The following HECA variants were observed in gnomAD, a reference collection of about 807,000 sequenced individuals.
HECA encodes the protein HECA ribonucleoprotein granule regulator, also known as headcase protein homolog.
HECA carries 13 observed loss-of-function variants against 37.6 expected under a neutral mutation model. The observed-to-expected ratio is 0.35, with a 90% CI of 0.23 to 0.55. HECA has a LOEUF of 0.55. Ranked by LOEUF, HECA falls within the 20% of genes least tolerant of loss-of-function variation. The pLI, the probability that HECA is intolerant of heterozygous loss-of-function variation, is 0.90. For missense variants in HECA, 527 were observed against 701.9 expected (o/e 0.75, Z 2.82); for synonymous variants, 307 against 291.5 (o/e 1.05, Z -0.54).
chr6:139,137,438 A>C (rs1774462203), intron 1 of HECA, among the ~76,000 whole-genome samples: 1 of 152,170 alleles, frequency 6.6e-6, no homozygotes, highest in African/African-American at 2.4e-5. Context: ...AAAGTTTCTC[A>C]CAAAGAGTGC....
At chr6:139,161,124 C>T (rs770827752) in intron 1 of HECA, among the ~76,000 whole-genome samples, 1 of 151,916 alleles carries the variant, frequency 6.6e-6, no homozygotes, top group Non-Finnish European at 1.5e-5. Flanking sequence ...AAATAATGTC[C>T]GAGTTTAGAG....
In HECA at chr6:139,167,281, G is replaced by C. The variant is rs375410347; in HGVS notation, c.1269G>C (p.Ser423=). The C allele has an allele frequency of 6.2e-7, 1 of 1,609,248 alleles. No homozygotes were observed. Among genetic ancestry groups the C allele is most frequent in the Non-Finnish European group, 8.5e-7 (1 of 1,176,048 alleles). Reference sequence around the variant, plus strand: ...ATGGAACTTTGTTCCTAAGCCCGTCGAGACATGATGAGATCGAATATGATG... The same window carrying C: ...ATGGAACTTTGTTCCTAAGCCCGTCCAGACATGATGAGATCGAATATGATG... ...LVDGTLFLSP[S]RHDEIEYDVP... is the part of the protein sequence containing the mutation. Residue 423 remains serine (S), a synonymous_variant, in exon 2 of 4, where the codon TCG becomes TCC. Coordinates refer to ENST00000367658, the MANE Select transcript of HECA (RefSeq NM_016217.3).
At chr6:139,147,737 A>G (rs766944572) in intron 1 of HECA, among the ~76,000 whole-genome samples, 18 of 152,254 alleles carry the variant, frequency 1.2e-4, no homozygotes, top group African/African-American at 2.4e-4. Flanking sequence ...TGATCCTTCT[A>G]TCACAGAAGG....
At chr6:139,165,262 A>G (rs183123354) in intron 1 of HECA, among the ~76,000 whole-genome samples, 24 of 152,202 alleles carry the variant, frequency 1.6e-4, no homozygotes, top group Admixed American at 2.6e-4. Flanking sequence ...AAAAAAACAG[A>G]TTTTATTTTT....
chr6:139,141,256 T>C (rs973801384), intron 1 of HECA, among the ~76,000 whole-genome samples: 1 of 152,256 alleles, frequency 6.6e-6, no homozygotes, highest in African/African-American at 2.4e-5. Flanking sequence ...TTGATATATG[T>C]TCTTGCAGCC....
At chr6:139,150,467 G>A (rs114803719) in intron 1 of HECA, among the ~76,000 whole-genome samples, 3,163 of 105,746 alleles carry the variant, frequency 0.03, 117 homozygotes, top group African/African-American at 0.099. Context: ...GGGGGTGAGA[G>A]TGGGGCTAAA....
At chr6:139,165,494 A>T (rs1774870760) in intron 1 of HECA, among the ~76,000 whole-genome samples, 1 of 151,954 alleles carries the variant, frequency 6.6e-6, no homozygotes. Flanking sequence ...AATGACGTGT[A>T]TCTGCCATTA....
rs934357760 is a variant in HECA at position 139,177,639 on chromosome 6, G to T, written c.*534G>T. 6.6e-6 allele frequency: 1 copy of T among 152,640 alleles called. No homozygotes were observed. Among genetic ancestry groups the T allele is most frequent in the African/African-American group, 2.4e-5 (1 of 41,410 alleles). The allele number at this position is 152,640 out of a possible 1,614,324, so 9.5% of individuals were successfully genotyped here. A position where few individuals can be genotyped will look rare whatever the true frequency, so the allele number is the denominator to read the frequency against. ...CACACTGACAGGTGACCTGAAAGTG[G>T]CACAAGTGCTGTTTCTATCACTATT... On this transcript the variant is annotated 3_prime_UTR_variant, in exon 4 of 4. Transcript: ENST00000367658. The surrounding 1 kb of genome is among the most constrained non-coding windows in gnomAD (Gnocchi z 4.9).
chr6:139,164,385 G>A (rs1408156969), intron 1 of HECA, among the ~76,000 whole-genome samples: 1 of 152,120 alleles, frequency 6.6e-6, no homozygotes, highest in Non-Finnish European at 1.5e-5. Flanking sequence ...TATCATGATG[G>A]GGAAGGTGGG....
At chr6:139,168,382 C>A (rs1337415334) in intron 2 of HECA, among the ~76,000 whole-genome samples, 1 of 148,228 alleles carries the variant, frequency 6.7e-6, no homozygotes, top group Non-Finnish European at 1.5e-5. Context: ...TCTAGGACTC[C>A]TTTTGTTTTT....
chr6:139,169,203 A>C (rs972154577), intron 2 of HECA, among the ~76,000 whole-genome samples: 1 of 152,072 alleles, frequency 6.6e-6, no homozygotes, highest in African/African-American at 2.4e-5. Context: ...TGAAACTCTC[A>C]TTAATCAGAT....
Position 139,174,555 on chromosome 6 carries a change from A to T in HECA, c.1467+16A>T, listed in dbSNP as rs1775024346. On this transcript the variant is annotated intron_variant, in intron 3 of 3. Coordinates refer to ENST00000367658, the MANE Select transcript of HECA (RefSeq NM_016217.3). The stretch of plus-strand genomic sequence containing the variant: ...ATGTTGTCAGGTAGGTACTGAACAC[A>T]CTGAGGGAGCAGTGGGTGATATTAG... The T allele has an allele frequency of 1.2e-6, 2 of 1,610,304 alleles. No individual in the cohort carries two copies. Among genetic ancestry groups the T allele is most frequent in the Non-Finnish European group, 8.5e-7 (1 of 1,177,580 alleles).
intron 1 of HECA, among the ~76,000 whole-genome samples, chr6:139,163,870 A>T (rs1774842567): frequency 6.6e-6 from 1 of 151,642 alleles, no homozygotes. Context: ...TGGGTGAGTG[A>T]CTCCACATCT....
chr6:139,177,481 C>A lies in HECA; in HGVS notation c.*376C>A, dbSNP rs77217408. 0.012 allele frequency: 1,992 copies of A among 161,030 alleles called. 44 individuals carry two copies. Among genetic ancestry groups the A allele is most frequent in the African/African-American group, 0.045 (1,887 of 41,708 alleles). The allele number at this position is 161,030 out of a possible 1,614,324, so 10.0% of individuals were successfully genotyped here. A position where few individuals can be genotyped will look rare whatever the true frequency, so the allele number is the denominator to read the frequency against. On this transcript the variant is annotated 3_prime_UTR_variant, in exon 4 of 4. Coordinates refer to ENST00000367658, the MANE Select transcript of HECA (RefSeq NM_016217.3). This position sits in a 1 kb window ranked among gnomAD's most constrained non-coding sequence, Gnocchi z 4.9. ...ACTAAAATGTTAACTTTCTAAAAACCTTCTTTTAGATCTTCCTTGGGCCTT... is the reference window on the plus strand; with the variant it reads ...ACTAAAATGTTAACTTTCTAAAAACATTCTTTTAGATCTTCCTTGGGCCTT...
Position 139,176,652 on chromosome 6 carries a change from T to G in HECA, c.1468-289T>G, listed in dbSNP as rs1253262255. ...AGGGAAGTCAGCTTCAGCCGCTGTC[T>G]TAAAATCCAGGGGGAGGGGTTTCTT... On this transcript the variant is annotated intron_variant, in intron 3 of 3. Coordinates refer to ENST00000367658, the MANE Select transcript of HECA (RefSeq NM_016217.3). The surrounding 1 kb of genome is among the most constrained non-coding windows in gnomAD (Gnocchi z 4.5). 6.6e-6 allele frequency among the ~76,000 whole-genome samples: 1 copy of G among 152,192 alleles called. No individual in the cohort carries two copies. The highest frequency in any genetic ancestry group is 1.5e-5 in the Non-Finnish European group (1 of 68,026).
At chr6:139,145,941 G>A (rs546650385) in intron 1 of HECA, among the ~76,000 whole-genome samples, 1 of 152,226 alleles carries the variant, frequency 6.6e-6, no homozygotes, top group East Asian at 1.9e-4. Context: ...GAGAGCCTCT[G>A]CTTTTAGGCC....
Position 139,145,926 on chromosome 6 carries a change from T to C in HECA, c.271+10259T>C, listed in dbSNP as rs1774579124. Among the ~76,000 whole-genome samples the C allele has an allele frequency of 2.6e-5, 4 of 152,320 alleles. No individual in the cohort carries two copies. In the South Asian group the frequency reaches 6.2e-4, roughly 24 times the overall value. On this transcript the variant is annotated intron_variant, in intron 1 of 3. Coordinates refer to ENST00000367658, the MANE Select transcript of HECA (RefSeq NM_016217.3). ...GAGGGGATTTATGTTAATTGAATTC[T>C]TTTTGAGAGCCTCTGCTTTTAGGCC... is the stretch of plus-strand genomic sequence containing the variant.
At chr6:139,156,353 C>T (rs910782697) in intron 1 of HECA, among the ~76,000 whole-genome samples, 2 of 152,152 alleles carry the variant, frequency 1.3e-5, no homozygotes, top group Non-Finnish European at 2.9e-5. Context: ...CAGGCACGTG[C>T]CACAACACCA....
chr6:139,149,634 C>G (rs537618679), intron 1 of HECA, among the ~76,000 whole-genome samples: 12 of 152,194 alleles, frequency 7.9e-5, no homozygotes, highest in East Asian at 7.7e-4. Context: ...TTGGGGGGAG[C>G]CTTTCGTTTC....
Sources: allele counts gnomAD v4.1 joint callset (sites outside exome capture counted in the v4.1 genomes callset), GRCh38; gene constraint gnomAD v4.1.1; non-coding constraint Gnocchi (gnomAD v3.1); transcripts MANE v1.5; gene names NCBI Gene and HGNC (gene_info 2026-07-23, HGNC 2026-07-21).